Variants in SERINC5 observed in about 807,000 individuals in gnomAD.
SERINC5 encodes the protein chromosome 5 open reading frame 12.
A neutral mutation model predicts 63.1 loss-of-function variants in SERINC5; 41 were observed. The ratio of observed to expected loss-of-function variants is 0.65; its 90% CI spans 0.51 to 0.84. The LOEUF is 0.84. Among genes scored for constraint, SERINC5 ranks in the 40% least tolerant of loss-of-function variants. SERINC5 has a pLI of 0.00. For missense variants in SERINC5, 523 were observed against 573.0 expected, an observed-to-expected ratio of 0.91 and a Z score of 0.89; for synonymous variants, 222 against 215.2, an observed-to-expected ratio of 1.03 and a Z score of -0.28.
intron 1 of SERINC5, among the ~76,000 whole-genome samples, chr5:80,203,642 T>G (rs1044012962): frequency 6.6e-6 from 1 of 152,116 alleles, no homozygotes; most frequent in Non-Finnish European, 1.5e-5. Context: ...CAAAAGTAAT[T>G]GTGGTTTTTG....
At chr5:80,213,020 A>G (rs544541862) in intron 1 of SERINC5, among the ~76,000 whole-genome samples, 94 of 152,192 alleles carry the variant, frequency 6.2e-4, no homozygotes, top group African/African-American at 2.2e-3. Context: ...TGAGGCAGGT[A>G]GACCACTCAA....
At chr5:80,243,318 C>A (rs540812849) in intron 1 of SERINC5, among the ~76,000 whole-genome samples, 1 of 152,260 alleles carries the variant, frequency 6.6e-6, no homozygotes, top group African/African-American at 2.4e-5. Context: ...TAAAAAAAGA[C>A]TCTTACATAA....
At chr5:80,179,651 T>C (rs1748289682) in intron 2 of SERINC5, among the ~76,000 whole-genome samples, 1 of 152,170 alleles carries the variant, frequency 6.6e-6, no homozygotes, top group Non-Finnish European at 1.5e-5. Context: ...CCAGAAGTCT[T>C]TCAGAATTTG....
intron 1 of SERINC5, among the ~76,000 whole-genome samples, chr5:80,238,082 C>T (rs1435684997): frequency 2.3e-5 from 3 of 129,168 alleles, no homozygotes; most frequent in African/African-American, 8.9e-5. Flanking sequence ...CCAGCCTGGG[C>T]GACAGAGTAA....
At chr5:80,173,545 G>A (rs1013394347) in intron 5 of SERINC5, among the ~76,000 whole-genome samples, 10 of 152,100 alleles carry the variant, frequency 6.6e-5, no homozygotes, top group African/African-American at 1.4e-4. Context: ...GCAGTGAGCC[G>A]AGATTGTGCC....
intron 1 of SERINC5, among the ~76,000 whole-genome samples, chr5:80,237,074 G>A (rs1163132319): frequency 3.3e-5 from 5 of 151,518 alleles, no homozygotes; most frequent in African/African-American, 7.3e-5. Context: ...TGATCCACCC[G>A]CCTCGGCCTC....
chr5:80,175,051 C>T lies in SERINC5; in HGVS notation c.458-4G>A. On this transcript the variant is annotated splice_polypyrimidine_tract_variant and splice_region_variant and intron_variant, in intron 4 of 11. Coordinates refer to ENST00000507668, the MANE Select transcript of SERINC5 (RefSeq NM_001174072.3). Reference sequence around the variant, plus strand: ...ACGGCTCCCACATAGCGCCAGGCTGCAAAAGACCATGAAGAACACAATGAG... The same window carrying T: ...ACGGCTCCCACATAGCGCCAGGCTGTAAAAGACCATGAAGAACACAATGAG... 1 of 1,578,620 alleles carries T rather than the reference C, an allele frequency of 6.3e-7. No homozygotes were observed. Among genetic ancestry groups the T allele is most frequent in the Non-Finnish European group, 8.6e-7 (1 of 1,160,974 alleles).
intron 2 of SERINC5, among the ~76,000 whole-genome samples, chr5:80,184,052 G>C (rs1467687561): frequency 3.1e-4 from 47 of 152,126 alleles, no homozygotes; most frequent in Admixed American, 3.1e-3. Flanking sequence ...ACACAAAAAT[G>C]AATGTTTCAG....
At chr5:80,135,876 C>G (rs1364608641), downstream of SERINC5, among the ~76,000 whole-genome samples, 1 of 145,326 alleles carries the variant, frequency 6.9e-6, no homozygotes, top group Non-Finnish European at 1.5e-5. Flanking sequence ...TGGGAAGAAG[C>G]AGAGGGAAGA....
intron 11 of SERINC5, among the ~76,000 whole-genome samples, chr5:80,130,177 C>G (rs1456211328): frequency 1.3e-5 from 2 of 151,932 alleles, no homozygotes; most frequent in African/African-American, 2.4e-5. Flanking sequence ...GTCAGGAGTT[C>G]AAGACCAGCC....
intron 1 of SERINC5, among the ~76,000 whole-genome samples, chr5:80,242,091 A>G (rs1489717298): frequency 6.6e-6 from 1 of 152,038 alleles, no homozygotes. Flanking sequence ...TGAACGTATC[A>G]CTGCACTCCA....
intron 11 of SERINC5, chr5:80,116,446 C>A: frequency 2.4e-6 from 1 of 416,528 alleles, no homozygotes. Context: ...AGTCCATTTT[C>A]TCCGTTCCCT....
chr5:80,158,814 T>C (rs1374936452), intron 8 of SERINC5, 22 bp downstream of exon 8: 3 of 1,606,486 alleles, frequency 1.9e-6, no homozygotes, highest in South Asian at 1.1e-5. Flanking sequence ...AAAAGTGACC[T>C]TGAGTAACTC....
intron 11 of SERINC5, chr5:80,116,413 C>T (rs1443678190): frequency 4.6e-6 from 2 of 437,964 alleles, no homozygotes; most frequent in Non-Finnish European, 9.0e-6. Context: ...ATCCAGATCA[C>T]TATGAACCTT....
intron 11 of SERINC5, among the ~76,000 whole-genome samples, chr5:80,114,065 A>G (rs1250203240): frequency 6.6e-6 from 1 of 152,046 alleles, no homozygotes; most frequent in Non-Finnish European, 1.5e-5. Flanking sequence ...CCATTTCTTC[A>G]GCACCGTCTC....
downstream of SERINC5, among the ~76,000 whole-genome samples, chr5:80,134,156 T>C (rs1165322576): frequency 6.6e-6 from 1 of 152,168 alleles, no homozygotes; most frequent in African/African-American, 2.4e-5. Context: ...AAAGGGTGTT[T>C]GTTCAGGGAA....
intron 8 of SERINC5, among the ~76,000 whole-genome samples, chr5:80,154,169 C>A (rs550352042): frequency 8.2e-4 from 125 of 152,148 alleles, no homozygotes; most frequent in African/African-American, 2.9e-3. Flanking sequence ...TGGAAGATTT[C>A]TTTTTCTTTC....
intron 2 of SERINC5, among the ~76,000 whole-genome samples, chr5:80,187,531 C>T (rs1748888930): frequency 6.6e-6 from 1 of 151,908 alleles, no homozygotes; most frequent in Non-Finnish European, 1.5e-5. Context: ...CAGCTTCCCT[C>T]TTTCCTTACA....
chr5:80,196,904 C>T (rs1014394722), intron 2 of SERINC5, among the ~76,000 whole-genome samples: 6 of 152,102 alleles, frequency 3.9e-5, no homozygotes, highest in South Asian at 2.1e-4. Context: ...CACACCACTG[C>T]ACTCTAGCCT....
Sources: allele counts gnomAD v4.1 joint callset (sites outside exome capture counted in the v4.1 genomes callset), GRCh38; gene constraint gnomAD v4.1.1; transcripts MANE v1.5; gene names NCBI Gene and HGNC (gene_info 2026-07-23, HGNC 2026-07-21).